The following DOCK2 variants were observed in gnomAD, a reference collection of about 807,000 sequenced individuals.
DOCK2 encodes dedicator of cytokinesis 2, also known as dedicator of cytokinesis protein 2.
Under a neutral mutation model 248.9 loss-of-function variants are expected in DOCK2, and 87 were observed. That is an observed-to-expected ratio of 0.35 (90% confidence interval 0.29 to 0.42). The LOEUF is 0.42. Ranked by LOEUF, DOCK2 falls within the 10% of genes least tolerant of loss-of-function variation. The probability of loss-of-function intolerance (pLI) is 1.00; values close to 1 mark genes in which losing one functional copy is unlikely to be tolerated. For missense variants in DOCK2, 1,747 were observed against 2,300.2 expected, an observed-to-expected ratio of 0.76 and a Z score of 4.92; for synonymous variants, 805 against 821.6, an observed-to-expected ratio of 0.98 and a Z score of 0.35.
intron 27 of DOCK2, among the ~76,000 whole-genome samples, chr5:169,842,444 A>C (rs1313314867): frequency 6.7e-6 from 1 of 148,450 alleles, no homozygotes. Flanking sequence ...TGCAACCTCC[A>C]CCTCCTGGGT....
intron 26 of DOCK2, among the ~76,000 whole-genome samples, chr5:169,818,558 C>A: frequency 6.6e-6 from 1 of 152,140 alleles, no homozygotes. Flanking sequence ...GTGGTTAATA[C>A]CAAAATGTTT....
intron 26 of DOCK2, among the ~76,000 whole-genome samples, chr5:169,817,002 C>T (rs1768101463): frequency 2.0e-5 from 3 of 152,306 alleles, no homozygotes; most frequent in Middle Eastern, 3.4e-3. Flanking sequence ...TTTCCTAAAA[C>T]CCACAGTCCC....
chr5:169,860,164 T>G (rs1771115963), intron 27 of DOCK2, among the ~76,000 whole-genome samples: 1 of 152,008 alleles, frequency 6.6e-6, no homozygotes, highest in Non-Finnish European at 1.5e-5. Context: ...CTCACTACTT[T>G]GCCCAGGTTG....
At chr5:169,948,726 C>T (rs1561845176) in intron 27 of DOCK2, among the ~76,000 whole-genome samples, 1 of 151,838 alleles carries the variant, frequency 6.6e-6, no homozygotes, top group African/African-American at 2.4e-5. Flanking sequence ...GATTCTCCCA[C>T]CTCAGCCTCC....
intron 21 of DOCK2, 67 bp from the exon 22 acceptor site, chr5:169,718,590 A>G: frequency 1.3e-6 from 2 of 1,559,274 alleles, no homozygotes. Flanking sequence ...AATGCCTTAT[A>G]ATTTACTGAG....
intron 27 of DOCK2, among the ~76,000 whole-genome samples, chr5:169,961,372 G>T (rs951395291): frequency 6.6e-6 from 1 of 152,244 alleles, no homozygotes. Context: ...GCCTAGTCTT[G>T]CCTTGCATCA....
intron 44 of DOCK2, among the ~76,000 whole-genome samples, chr5:170,060,457 T>C (rs1409373980): frequency 6.6e-6 from 1 of 152,210 alleles, no homozygotes; most frequent in Non-Finnish European, 1.5e-5. Flanking sequence ...TCTGTTGAAT[T>C]ACATTTTTAA....
intron 3 of DOCK2, 88 bp downstream of exon 3, chr5:169,669,416 G>T: frequency 6.9e-7 from 1 of 1,440,918 alleles, no homozygotes; most frequent in Non-Finnish European, 9.7e-7. Context: ...TCCCACCATT[G>T]CTCCTCAGCA....
At chr5:170,057,707 A>T (rs771895048) in intron 44 of DOCK2, 41 bp downstream of exon 44, 1 of 1,545,370 alleles carries the variant, frequency 6.5e-7, no homozygotes, top group African/African-American at 1.4e-5. Context: ...CCTTCCTCCG[A>T]TGGGCAGGGC....
chr5:169,848,260 T>C (rs1442602183), intron 27 of DOCK2, among the ~76,000 whole-genome samples: 3 of 152,200 alleles, frequency 2.0e-5, no homozygotes, highest in African/African-American at 4.8e-5. Flanking sequence ...CTCCTGTTGT[T>C]TGGGGGAACA....
rs558120216 is a variant in DOCK2 at position 169,707,125 on chromosome 5, T to C, written c.1384-1044T>C. On this transcript the variant is annotated intron_variant, in intron 14 of 51. Transcript: ENST00000520908. ...GTTTGGCCTAATATAAAAACCACACTTCGGGCCCCTTCTGGGTAATCCTAG... is the reference window on the plus strand; with the variant it reads ...GTTTGGCCTAATATAAAAACCACACCTCGGGCCCCTTCTGGGTAATCCTAG... 3.2e-4 allele frequency among the ~76,000 whole-genome samples: 48 copies of C among 152,360 alleles called. 1 individual carries two copies. The highest frequency in any genetic ancestry group is 2.3e-3 in the East Asian group (12 of 5,194).
intron 27 of DOCK2, among the ~76,000 whole-genome samples, chr5:169,919,958 T>C (rs182759260): frequency 2.0e-5 from 3 of 152,370 alleles, no homozygotes; most frequent in African/African-American, 7.2e-5. Context: ...TAACTACACT[T>C]TGTGTTAATG....
chr5:170,042,703 G>T (rs1371912006), intron 38 of DOCK2, among the ~76,000 whole-genome samples: 2 of 152,210 alleles, frequency 1.3e-5, no homozygotes, highest in African/African-American at 4.8e-5. Flanking sequence ...ATGCTAGGGA[G>T]GCCTTCCCTG....
At chr5:169,993,803 C>T (rs1364553556) in intron 29 of DOCK2, among the ~76,000 whole-genome samples, 1 of 152,192 alleles carries the variant, frequency 6.6e-6, no homozygotes, top group Non-Finnish European at 1.5e-5. Context: ...AGCTCACCTG[C>T]AGGACAGGCC....
chr5:170,047,773 T>C (rs1756767606), intron 40 of DOCK2, among the ~76,000 whole-genome samples, 159 bp downstream of exon 40: 1 of 152,160 alleles, frequency 6.6e-6, no homozygotes, highest in Admixed American at 6.5e-5. Flanking sequence ...TCAATAGCCC[T>C]CATCATAATC....
At chr5:169,896,288 C>T (rs777402553) in intron 27 of DOCK2, among the ~76,000 whole-genome samples, 2 of 152,086 alleles carry the variant, frequency 1.3e-5, no homozygotes, top group Non-Finnish European at 2.9e-5. Flanking sequence ...TCTGAAGTAC[C>T]GGGACCCCTT....
intron 29 of DOCK2, among the ~76,000 whole-genome samples, chr5:169,989,732 A>C (rs999781188): frequency 6.6e-6 from 1 of 152,204 alleles, no homozygotes; most frequent in African/African-American, 2.4e-5. Flanking sequence ...CTCACTGTAA[A>C]ATGTGGCTAA....
chr5:169,669,425 C>A, intron 3 of DOCK2, 97 bp downstream of exon 3: 1 of 1,349,514 alleles, frequency 7.4e-7, no homozygotes, highest in Non-Finnish European at 1.1e-6. Flanking sequence ...TGCTCCTCAG[C>A]AAAGGGAATC....
At chr5:169,885,046 G>T (rs181346015) in intron 27 of DOCK2, among the ~76,000 whole-genome samples, 3 of 152,212 alleles carry the variant, frequency 2.0e-5, no homozygotes, top group Admixed American at 2.0e-4. Context: ...TTTCTGCACA[G>T]CACTCAGCCA....
Sources: gnomAD v4.1 joint callset for allele counts (sites outside exome capture counted in the v4.1 genomes callset) on GRCh38, gnomAD v4.1.1 for gene constraint, MANE v1.5 for transcripts, NCBI Gene and HGNC (gene_info 2026-07-23, HGNC 2026-07-21) for gene names.